The following FAM135A variants were observed in gnomAD, a reference collection of about 807,000 sequenced individuals.
FAM135A encodes the protein family with sequence similarity 135 member A.
FAM135A carries 79 observed loss-of-function variants against 146.8 expected under a neutral mutation model. That is an observed-to-expected ratio of 0.54 (90% CI 0.45 to 0.65). The LOEUF (loss-of-function observed/expected upper bound fraction) is 0.65, where lower values mean the gene tolerates loss of function less well. Among genes scored for constraint, FAM135A ranks in the 30% least tolerant of loss-of-function variants. The pLI, the probability that FAM135A is intolerant of heterozygous loss-of-function variation, is 0.00. For synonymous variants in FAM135A, 562 were observed against 603.6 expected (o/e 0.93, Z 1.01); for missense variants, 1,623 against 1,758.2 (o/e 0.92, Z 1.38).
At chr6:70,507,094 C>T (rs1048224306) in intron 12 of FAM135A, among the ~76,000 whole-genome samples, 2 of 152,090 alleles carry the variant, frequency 1.3e-5, no homozygotes, top group South Asian at 2.1e-4. Flanking sequence ...TTTTACCTAG[C>T]GCTTCCCTTT....
intron 2 of FAM135A, among the ~76,000 whole-genome samples, chr6:70,424,587 G>A (rs180964983): frequency 5.9e-4 from 90 of 152,300 alleles, no homozygotes; most frequent in Admixed American, 1.2e-3. Context: ...TAACTGCAGA[G>A]CTGGATCCCT....
chr6:70,522,284 G>A (rs570464699), intron 12 of FAM135A, among the ~76,000 whole-genome samples: 1 of 151,462 alleles, frequency 6.6e-6, no homozygotes, highest in Non-Finnish European at 1.5e-5. Flanking sequence ...ACAAAAGGTG[G>A]TAAAGGCTAT....
chr6:70,523,703 C>T (rs1394454570), intron 13 of FAM135A, among the ~76,000 whole-genome samples: 1 of 152,028 alleles, frequency 6.6e-6, no homozygotes, highest in Non-Finnish European at 1.5e-5. Context: ...TTTAAAATAA[C>T]ATAAGAAAGT....
rs1005393769 is a variant in FAM135A, at chr6:70,524,620, G to T, written c.1536G>T (p.Gln512His). 1.5e-5 allele frequency: 23 copies of T among 1,546,628 alleles called. No homozygotes were observed. The highest frequency in any genetic ancestry group is 2.0e-5 in the Non-Finnish European group (23 of 1,145,766). The change falls in exon 15 of 22, where the codon CAG (glutamine) becomes CAT (histidine). Residue 512 changes from glutamine to histidine, a missense_variant. Gln to His is a conservative substitution (Grantham distance 24, BLOSUM62 0). Around this residue, in one of 7 missense-constraint regions of FAM135A, gnomAD observed 1,061 missense variants for 1,113.8 expected, o/e 0.95. Coordinates refer to ENST00000418814, the MANE Select transcript of FAM135A (RefSeq NM_001162529.3). ...KSENTKKLIK[Q>H]NSKDSVVLVG... Reference sequence around the variant, plus strand: ...AAAACACAAAAAAATTAATAAAACAGAACTCTAAGGATTCTGTGGTTTTGG... The same window carrying T: ...AAAACACAAAAAAATTAATAAAACATAACTCTAAGGATTCTGTGGTTTTGG...
chr6:70,418,946 A>AGG (rs1273294934), intron 2 of FAM135A, among the ~76,000 whole-genome samples: 8 of 152,246 alleles, frequency 5.3e-5, no homozygotes, highest in Admixed American at 1.3e-4. Flanking sequence ...TGTAAGGGCC[A>AGG]GAGCTTATGT....
At chr6:70,464,186 G>A (rs1383947166) in intron 5 of FAM135A, among the ~76,000 whole-genome samples, 1 of 152,150 alleles carries the variant, frequency 6.6e-6, no homozygotes, top group East Asian at 1.9e-4. Context: ...TGCAGATAGT[G>A]ATAGAAATAA....
chr6:70,560,067 T>A lies in FAM135A; in HGVS notation c.*146T>A. On this transcript the variant is annotated 3_prime_UTR_variant, in exon 22 of 22. Coordinates refer to ENST00000418814, the MANE Select transcript of FAM135A (RefSeq NM_001162529.3). ...GATAATTTATATCATCCATGTTTAG[T>A]GCTTTTTAAACATCAACTTTACTTT... 1 of 638,906 alleles carries A rather than the reference T, an allele frequency of 1.6e-6. No homozygotes were observed. The highest frequency in any genetic ancestry group is 2.5e-6 in the Non-Finnish European group (1 of 398,602). The allele number at this position is 638,906 out of a possible 1,614,324, so 39.6% of individuals were successfully genotyped here.
chr6:70,481,170 T>G, intron 9 of FAM135A, 143 bp downstream of exon 9: 1 of 800,834 alleles, frequency 1.2e-6, no homozygotes, highest in Non-Finnish European at 1.8e-6. Context: ...TCTTAAAAAT[T>G]GTTTGGTTCT....
chr6:70,523,876 T>G, intron 13 of FAM135A, 91 bp from the exon 14 acceptor site: 1 of 1,289,060 alleles, frequency 7.8e-7, no homozygotes, highest in Non-Finnish European at 1.1e-6. Flanking sequence ...GGGATAGGAA[T>G]TGAGGAGGGA....
intron 20 of FAM135A, among the ~76,000 whole-genome samples, chr6:70,553,276 T>A (rs1800190296): frequency 6.6e-6 from 1 of 152,212 alleles, no homozygotes; most frequent in Non-Finnish European, 1.5e-5. Context: ...CTTTAACCTG[T>A]TGATTTGTTT....
chr6:70,512,436 AT>A (rs903167312), intron 12 of FAM135A, among the ~76,000 whole-genome samples: 2 of 150,682 alleles, frequency 1.3e-5, no homozygotes, highest in Admixed American at 6.6e-5. Flanking sequence ...ATAAAAAATC[AT>A]TTTTTTTTCC....
At chr6:70,535,908 A>G (rs1250518682) in intron 18 of FAM135A, 1 of 158,918 alleles carries the variant, frequency 6.3e-6, no homozygotes, top group Non-Finnish European at 1.4e-5. Context: ...TGATGAATTA[A>G]GAAGTAAATA....
chr6:70,496,989 T>G (rs1213546667), intron 11 of FAM135A, among the ~76,000 whole-genome samples: 1 of 152,096 alleles, frequency 6.6e-6, no homozygotes, highest in African/African-American at 2.4e-5. Flanking sequence ...GGCTATACGG[T>G]CTCTTTTTTG....
At position 70,475,437 on chromosome 6, in the gene FAM135A, T is replaced by G; in HGVS notation, c.185T>G (p.Val62Gly). The change falls in exon 6 of 22, where the codon GTT (valine) becomes GGT (glycine). Residue 62 changes from valine (V) to glycine (G), a missense_variant. Physicochemically the swap from Val to Gly is moderately radical, Grantham distance 109. Transcript: ENST00000418814. ...TGMTLAFPAS[V>G]HDSLICSKTF... Reference sequence around the variant, plus strand: ...ATGACTTTAGCCTTTCCAGCCTCAGTTCATGATTCTCTAATTTGCAGTAAA... The same window carrying G: ...ATGACTTTAGCCTTTCCAGCCTCAGGTCATGATTCTCTAATTTGCAGTAAA... 6.3e-7 allele frequency: 1 copy of G among 1,597,802 alleles called. No homozygotes were observed. The highest frequency in any genetic ancestry group is 1.1e-5 in the South Asian group (1 of 87,010).
intron 4 of FAM135A, among the ~76,000 whole-genome samples, chr6:70,438,865 G>A (rs966602352): frequency 1.3e-5 from 2 of 152,104 alleles, no homozygotes; most frequent in African/African-American, 4.8e-5. Context: ...TGCTTAAGAT[G>A]GAAAAGACAG....
At chr6:70,520,141 C>CT (rs1793240985) in intron 12 of FAM135A, among the ~76,000 whole-genome samples, 1 of 151,936 alleles carries the variant, frequency 6.6e-6, no homozygotes, top group African/African-American at 2.4e-5. Context: ...TGCCTGTGTA[C>CT]TTACCTCTGT....
chr6:70,534,312 C>CTTTTTTTTTTTTTTTTTTTTTTT (rs1179072858), intron 18 of FAM135A, among the ~76,000 whole-genome samples: 2 of 89,804 alleles, frequency 2.2e-5, no homozygotes, highest in African/African-American at 9.5e-5. Flanking sequence ...AGTTTGTATA[C>CTTTTTTTTTTTTTTTTTTTTTTT]TTTTTTTTTT....
At chr6:70,485,754 C>T (rs1784504200) in intron 10 of FAM135A, among the ~76,000 whole-genome samples, 1 of 152,044 alleles carries the variant, frequency 6.6e-6, no homozygotes, top group Non-Finnish European at 1.5e-5. Flanking sequence ...GAATGATGTA[C>T]ATTTTCTGAT....
chr6:70,529,631 A>T (rs1227386191), intron 16 of FAM135A, among the ~76,000 whole-genome samples: 1 of 152,170 alleles, frequency 6.6e-6, no homozygotes, highest in East Asian at 1.9e-4. Flanking sequence ...TGTTACATAA[A>T]TTGTTCTAGA....
Sources: allele counts gnomAD v4.1 joint callset (sites outside exome capture counted in the v4.1 genomes callset), GRCh38; gene constraint gnomAD v4.1.1; regional missense constraint gnomAD v4.1.1; transcripts MANE v1.5; gene names NCBI Gene and HGNC (gene_info 2026-07-23, HGNC 2026-07-21).